Variants in TTC34 observed in about 807,000 individuals in gnomAD.
TTC34 encodes tetratricopeptide repeat protein 34.
Under a neutral mutation model 40.7 loss-of-function variants are expected in TTC34, and 44 were observed. That is an observed-to-expected ratio of 1.08 (90% CI 0.85 to 1.39). The LOEUF (loss-of-function observed/expected upper bound fraction) is 1.39, where lower values mean the gene tolerates loss of function less well. TTC34 is among the 40% of genes most tolerant of loss of function. The probability of loss-of-function intolerance (pLI) is 0.00; values close to 1 mark genes in which losing one functional copy is unlikely to be tolerated. For missense variants in TTC34, 884 were observed against 838.0 expected (o/e 1.05, Z -0.68); for synonymous variants, 422 against 398.6 (o/e 1.06, Z -0.70).
rs1641640588 is a variant in TTC34 at position 2,759,954 on chromosome 1, A to C, written c.2226+23655T>G. ...TGAGCATCTGACAGCCTGGAAAGGC[A>C]CCCACACCACCAGGTGAGCATCTGA... is the stretch of plus-strand genomic sequence containing the variant. On this transcript the variant is annotated intron_variant, in intron 6 of 8. Coordinates refer to ENST00000401095, the Ensembl canonical transcript of TTC34. Among the ~76,000 whole-genome samples the C allele has an allele frequency of 3.6e-5, 5 of 139,104 alleles. 2 individuals are homozygous for C. The highest frequency in any genetic ancestry group is 7.7e-5 in the Non-Finnish European group (5 of 64,522). 91.3% of individuals were successfully genotyped at this position (139,104 alleles called of 152,430 possible).
chr1:2,665,606 CA>C (rs1639625556), intron 6 of TTC34, among the ~76,000 whole-genome samples: 1 of 8,904 alleles, frequency 1.1e-4, no homozygotes, highest in Non-Finnish European at 2.4e-4. Flanking sequence ...GCAGCACCCA[CA>C]ACCCAAGGTG....
At chr1:2,782,623 C>T (rs539189259) in intron 6 of TTC34, among the ~76,000 whole-genome samples, 1 of 152,248 alleles carries the variant, frequency 6.6e-6, no homozygotes, top group Non-Finnish European at 1.5e-5. Context: ...GCATTTACAG[C>T]TATACATTTC....
chr1:2,783,775 C>T (rs2100620935), exon 6 of TTC34: 1 of 1,498,802 alleles, frequency 6.7e-7, no homozygotes, highest in Non-Finnish European at 8.9e-7. Context: ...TGCCTGGCTT[C>T]CTGCAGGAAG....
chr1:2,688,339 A>C (rs1458376631), intron 6 of TTC34, among the ~76,000 whole-genome samples: 4 of 140,798 alleles, frequency 2.8e-5, no homozygotes, highest in African/African-American at 1.2e-4. Context: ...CCCCCAGGTG[A>C]GCATCGGACA....
At chr1:2,752,808 C>T (rs1266845227) in intron 6 of TTC34, among the ~76,000 whole-genome samples, 3 of 132,016 alleles carry the variant, frequency 2.3e-5, no homozygotes, top group African/African-American at 8.9e-5. Flanking sequence ...GGAACAGCTC[C>T]CTGCATCCCC....
At chr1:2,699,041 G>T (rs1343991359) in intron 6 of TTC34, among the ~76,000 whole-genome samples, 1 of 142,606 alleles carries the variant, frequency 7.0e-6, no homozygotes, top group African/African-American at 2.5e-5. Flanking sequence ...GTCTGGAGAA[G>T]CACCCACAAC....
chr1:2,787,919 G>A (rs1222808499), intron 3 of TTC34, among the ~76,000 whole-genome samples: 7 of 152,232 alleles, frequency 4.6e-5, no homozygotes, highest in Admixed American at 4.6e-4. Context: ...TACCCTGTGG[G>A]AGGTGGGATT....
intron 2 of TTC34, among the ~76,000 whole-genome samples, chr1:2,797,396 T>C (rs529852989): frequency 6.6e-6 from 1 of 152,304 alleles, no homozygotes; most frequent in South Asian, 2.1e-4. Flanking sequence ...GGATGCCTCG[T>C]GGCCCCACTT....
intron 6 of TTC34, chr1:2,774,989 C>G (rs554226175): frequency 2.4e-5 from 3 of 126,528 alleles, no homozygotes; most frequent in African/African-American, 6.0e-5. Flanking sequence ...CCCTGCACCC[C>G]CAGGTGAGCA....
intron 6 of TTC34, among the ~76,000 whole-genome samples, chr1:2,753,258 C>T (rs1641386349): frequency 1.5e-5 from 2 of 129,228 alleles, no homozygotes; most frequent in African/African-American, 6.4e-5. Context: ...ACCCACACCC[C>T]AGGTGAGCAT....
At chr1:2,695,674 A>G (rs1640829513) in intron 6 of TTC34, among the ~76,000 whole-genome samples, 1 of 149,974 alleles carries the variant, frequency 6.7e-6, no homozygotes, top group African/African-American at 2.5e-5. Context: ...CAGCACCCAC[A>G]CCCCCAGGTG....
intron 6 of TTC34, among the ~76,000 whole-genome samples, chr1:2,688,405 C>G (rs1640471434): frequency 1.3e-5 from 2 of 151,534 alleles, no homozygotes; most frequent in African/African-American, 4.8e-5. Context: ...GAACAGCACC[C>G]ACACCCCCAG....
At chr1:2,681,695 G>T (rs1166037224) in intron 6 of TTC34, among the ~76,000 whole-genome samples, 2 of 92,744 alleles carry the variant, frequency 2.2e-5, no homozygotes, top group African/African-American at 3.5e-5. Context: ...GCCTGGAACA[G>T]CACTCACACC....
At chr1:2,686,744 C>T (rs1430125847) in intron 6 of TTC34, among the ~76,000 whole-genome samples, 1 of 146,670 alleles carries the variant, frequency 6.8e-6, no homozygotes, top group African/African-American at 2.6e-5. Flanking sequence ...CATCTGACAG[C>T]CTGGAACGGC....
rs1046342121 is a variant in TTC34, at chr1:2,644,470, C to G, written c.2506G>C (p.Glu836Gln). The stretch of plus-strand genomic sequence containing the variant: ...TTTTCCAGGTGGGTGCCAGCTTCCT[C>G]GTAGCTGCCTGTCAGGGATTCAGGA... The change falls in exon 8 of 9, where the codon GAG (glutamate) becomes CAG (glutamine). Residue 836 changes from glutamate (E) to glutamine (Q), a missense_variant. By Grantham distance (29) the Glu-to-Gln change is conservative. Transcript: ENST00000401095. 2.0e-6 allele frequency: 3 copies of G among 1,532,912 alleles called. No individual in the cohort carries two copies. The highest frequency in any genetic ancestry group is 3.9e-5 in the Admixed American group (2 of 50,886). 95.0% of individuals were successfully genotyped at this position (1,532,912 alleles called of 1,614,324 possible).
chr1:2,750,565 C>T (rs1480549354), intron 6 of TTC34, among the ~76,000 whole-genome samples: 2 of 120,552 alleles, frequency 1.7e-5, no homozygotes, highest in African/African-American at 3.6e-5. Context: ...GCACCCACAC[C>T]CCCAGGTGAG....
intron 6 of TTC34, among the ~76,000 whole-genome samples, chr1:2,655,246 A>AGTCTG (rs1223946446): frequency 9.4e-6 from 1 of 106,944 alleles, no homozygotes; most frequent in African/African-American, 3.6e-5. Context: ...CTGGAGCAGC[A>AGTCTG]CGCACACCCC....
chr1:2,684,594 TACCCCCAGGTGAGCATCTGAC>T (rs1640234008), intron 6 of TTC34, among the ~76,000 whole-genome samples: 1 of 34,536 alleles, frequency 2.9e-5, no homozygotes, highest in Admixed American at 3.3e-4. Context: ...GCAACACCCA[TACCCCCAGGTGAGCATCTGAC>T]CGCATGGAAT....
chr1:2,791,343 G>A (rs1374285181), intron 2 of TTC34, among the ~76,000 whole-genome samples: 2 of 152,180 alleles, frequency 1.3e-5, no homozygotes, highest in Non-Finnish European at 1.5e-5. Flanking sequence ...ACGTTCTGAG[G>A]GTCCATCCCA....
Sources: gnomAD v4.1 joint callset for allele counts (sites outside exome capture counted in the v4.1 genomes callset) on GRCh38, gnomAD v4.1.1 for gene constraint, MANE v1.5 for transcripts, NCBI Gene and HGNC (gene_info 2026-07-23, HGNC 2026-07-21) for gene names.